The following LIN9 variants were observed in gnomAD, a reference collection of about 807,000 sequenced individuals.
The protein encoded by LIN9 is protein lin-9 homolog.
LIN9 carries 18 observed loss-of-function variants against 78.0 expected under a neutral mutation model. The observed-to-expected ratio is 0.23, with a 90% CI of 0.16 to 0.34. LIN9 has a LOEUF of 0.34. LIN9 is among the 10% of genes least tolerant of loss of function. The probability of loss-of-function intolerance (pLI) is 1.00; values close to 1 mark genes in which losing one functional copy is unlikely to be tolerated. For synonymous variants in LIN9, 192 were observed against 215.2 expected (o/e 0.89, Z 0.94); for missense variants, 451 against 644.1 (o/e 0.70, Z 3.25).
At chr1:226,281,782 T>C (rs1661080470) in intron 6 of LIN9, among the ~76,000 whole-genome samples, 1 of 149,640 alleles carries the variant, frequency 6.7e-6, no homozygotes. Context: ...CAACCTCCAC[T>C]ACCCAGGCTC....
rs958119168 is a variant in LIN9 at position 226,265,431 on chromosome 1, C to A, written c.1038+102G>T. Reference sequence around the variant, plus strand: ...GAAATAGCAGCTCTTAAAACCTACACGGTGATAAACCTACACGGCCCTAGA... The same window carrying A: ...GAAATAGCAGCTCTTAAAACCTACAAGGTGATAAACCTACACGGCCCTAGA... On this transcript the variant is annotated intron_variant, in intron 10 of 14. Coordinates refer to ENST00000681046, the MANE Select transcript of LIN9 (RefSeq NM_001366245.2). The surrounding 1 kb of genome is among the most constrained non-coding windows in gnomAD (Gnocchi z 4.1). 1 of 581,102 alleles carries A rather than the reference C, an allele frequency of 1.7e-6. No homozygotes were observed. The highest frequency in any genetic ancestry group is 1.9e-5 in the African/African-American group (1 of 52,030). 36.0% of individuals were successfully genotyped at this position (581,102 alleles called of 1,614,324 possible).
intron 11 of LIN9, among the ~76,000 whole-genome samples, chr1:226,249,663 TACA>T (rs1255616564): frequency 6.6e-6 from 1 of 152,192 alleles, no homozygotes; most frequent in African/African-American, 2.4e-5. Flanking sequence ...TTCCTGCACT[TACA>T]ACAGACACTG....
chr1:226,277,194 G>C (rs1053612141), intron 7 of LIN9, among the ~76,000 whole-genome samples: 9 of 142,306 alleles, frequency 6.3e-5, no homozygotes, highest in Non-Finnish European at 1.2e-4. Flanking sequence ...CTAGGTGACA[G>C]AGGGAGACTC....
chr1:226,273,198 G>A (rs1021512881), intron 7 of LIN9, among the ~76,000 whole-genome samples: 2 of 148,672 alleles, frequency 1.3e-5, no homozygotes, highest in African/African-American at 5.0e-5. Context: ...TATCCCATTT[G>A]GGTTTTTTGT....
At chr1:226,246,179 T>TA (rs1558159465) in intron 11 of LIN9, among the ~76,000 whole-genome samples, 1 of 152,230 alleles carries the variant, frequency 6.6e-6, no homozygotes, top group East Asian at 1.9e-4. Context: ...TTCTTCTGCT[T>TA]AAACAAAAAC....
intron 10 of LIN9, among the ~76,000 whole-genome samples, chr1:226,259,255 C>T (rs1284705839): frequency 1.3e-5 from 2 of 152,146 alleles, no homozygotes; most frequent in East Asian, 1.9e-4. Context: ...CCACCACACC[C>T]GGCCAACAAT....
Position 226,233,211 on chromosome 1 carries a change from T to C in LIN9, c.1426-18A>G, listed in dbSNP as rs754230785. 6 of 1,575,004 alleles carry C rather than the reference T, an allele frequency of 3.8e-6. No individual in the cohort carries two copies. Among genetic ancestry groups the C allele is most frequent in the Non-Finnish European group, 5.2e-6 (6 of 1,158,418 alleles). ...GCTAGACACTAAAGGGAAAAAAATTTCAAAATTTAATTGCATTATAGCTCA... is the reference window on the plus strand; with the variant it reads ...GCTAGACACTAAAGGGAAAAAAATTCCAAAATTTAATTGCATTATAGCTCA... On this transcript the variant is annotated intron_variant, in intron 13 of 14. Coordinates refer to ENST00000681046, the MANE Select transcript of LIN9 (RefSeq NM_001366245.2).
At chr1:226,254,423 T>C (rs1483445013) in intron 10 of LIN9, among the ~76,000 whole-genome samples, 1 of 152,222 alleles carries the variant, frequency 6.6e-6, no homozygotes, top group Non-Finnish European at 1.5e-5. Context: ...AAATAACTTT[T>C]ATTTTTACCT....
At position 226,301,189 on chromosome 1, in the gene LIN9, G is replaced by A; in HGVS notation, c.48C>T (p.Ala16=). ...ACTTCTTACCTTTTAAACTGACAAGGGCTTTTGCTGAAGAGCCTGCAATTA... is the reference window on the plus strand; with the variant it reads ...ACTTCTTACCTTTTAAACTGACAAGAGCTTTTGCTGAAGAGCCTGCAATTA... The part of the protein sequence containing the change: ...QLPDESSSAK[A]LVSLKEGSLS... The change falls in exon 2 of 15, where the codon GCC becomes GCT. Residue 16 remains alanine, a synonymous_variant. Coordinates refer to ENST00000681046, the MANE Select transcript of LIN9 (RefSeq NM_001366245.2). The A allele has an allele frequency of 6.2e-7, 1 of 1,601,898 alleles. No homozygotes were observed. The highest frequency in any genetic ancestry group is 1.1e-5 in the South Asian group (1 of 90,386).
intron 13 of LIN9, 27 bp downstream of exon 13, chr1:226,233,317 T>G: frequency 6.3e-7 from 1 of 1,583,512 alleles, no homozygotes; most frequent in Non-Finnish European, 8.6e-7. Context: ...TGTGTCAAAT[T>G]AAGAAAATAT....
At position 226,232,580 on chromosome 1, in the gene LIN9, T is replaced by C. The variant is rs767880938; in HGVS notation, c.1550A>G (p.His517Arg). ...CAGGCCACTCTGAATATGTGCAACA[T>C]GGATTTCTACATTATTCTGAAAGCA... ...ISCFQNNVEI[H>R]VAHIQSGLSQ... Residue 517 changes from histidine to arginine, a missense_variant, in exon 15 of 15, where the codon CAT becomes CGT. His to Arg is a conservative substitution (Grantham distance 29). Coordinates refer to ENST00000681046, the MANE Select transcript of LIN9 (RefSeq NM_001366245.2). 1.2e-6 allele frequency: 2 copies of C among 1,609,578 alleles called. No homozygotes were observed. The highest frequency in any genetic ancestry group is 1.7e-4 in the Middle Eastern group (1 of 6,044).
chr1:226,233,837 A>G (rs1376713224), intron 12 of LIN9, among the ~76,000 whole-genome samples: 1 of 152,236 alleles, frequency 6.6e-6, no homozygotes, highest in African/African-American at 2.4e-5. Context: ...CTGTGAATGT[A>G]TAATTCTTCC....
At chr1:226,286,120 T>A (rs1268068648) in intron 6 of LIN9, among the ~76,000 whole-genome samples, 1 of 152,166 alleles carries the variant, frequency 6.6e-6, no homozygotes, top group Non-Finnish European at 1.5e-5. Context: ...TTGATTTTAT[T>A]TTTTAATTCT....
chr1:226,304,953 C>A (rs1416788559), intron 1 of LIN9, among the ~76,000 whole-genome samples: 1 of 152,058 alleles, frequency 6.6e-6, no homozygotes, highest in Non-Finnish European at 1.5e-5. Context: ...AATCCCAGCA[C>A]TTTGGGGGGC....
chr1:226,267,066 A>G (rs539920660), intron 8 of LIN9, among the ~76,000 whole-genome samples: 7 of 151,982 alleles, frequency 4.6e-5, no homozygotes, highest in South Asian at 4.2e-4. Context: ...AGGTGTGAGC[A>G]ACCGCGCCTG....
At chr1:226,286,554 C>CATAT in intron 5 of LIN9, 96 bp from the exon 6 acceptor site, 2 of 830,034 alleles carry the variant, frequency 2.4e-6, no homozygotes, top group Non-Finnish European at 3.6e-6. Context: ...ACTTCTACCC[C>CATAT]ATATATATAT....
intron 4 of LIN9, among the ~76,000 whole-genome samples, chr1:226,294,557 G>A (rs2102651838): frequency 6.7e-6 from 1 of 148,174 alleles, no homozygotes; most frequent in Non-Finnish European, 1.5e-5. Flanking sequence ...GGCAACAAGA[G>A]CAAAACTCTG....
intron 1 of LIN9, among the ~76,000 whole-genome samples, chr1:226,306,344 GAA>G (rs1662917069): frequency 6.6e-6 from 1 of 151,904 alleles, no homozygotes; most frequent in South Asian, 2.1e-4. Context: ...CAAAAGAAAA[GAA>G]AGAGAGGGAA....
intron 1 of LIN9, among the ~76,000 whole-genome samples, chr1:226,306,455 G>T (rs1411201839): frequency 6.6e-6 from 1 of 152,142 alleles, no homozygotes; most frequent in Non-Finnish European, 1.5e-5. Flanking sequence ...GGACTGAGGT[G>T]GATTTTAAAC....
Sources: gnomAD v4.1 joint callset for allele counts (sites outside exome capture counted in the v4.1 genomes callset) on GRCh38, gnomAD v4.1.1 for gene constraint, Gnocchi (gnomAD v3.1) non-coding constraint, MANE v1.5 for transcripts, NCBI Gene and HGNC (gene_info 2026-07-23, HGNC 2026-07-21) for gene names.